The following SLIT3 variants were observed in gnomAD, a reference collection of about 807,000 sequenced individuals.
The protein encoded by SLIT3 is slit guidance ligand 3.
SLIT3 carries 68 observed loss-of-function variants against 184.0 expected under a neutral mutation model. The ratio of observed to expected loss-of-function variants is 0.37; its 90% CI spans 0.30 to 0.45. SLIT3 has a LOEUF of 0.45. Among genes scored for constraint, SLIT3 ranks in the 20% least tolerant of loss-of-function variants. SLIT3 has a pLI of 1.00. For synonymous variants in SLIT3, 831 were observed against 828.6 expected, an observed-to-expected ratio of 1.00 and a Z score of -0.05; for missense variants, 1,707 against 2,026.0, an observed-to-expected ratio of 0.84 and a Z score of 3.02.
intron 12 of SLIT3, among the ~76,000 whole-genome samples, chr5:168,777,179 C>A (rs1462654937): frequency 2.0e-5 from 3 of 151,998 alleles, no homozygotes; most frequent in African/African-American, 7.3e-5. Flanking sequence ...CTCAGGCAAC[C>A]CTAGGTTCCC....
chr5:168,678,274 A>C (rs1761473471), intron 32 of SLIT3, among the ~76,000 whole-genome samples: 1 of 152,164 alleles, frequency 6.6e-6, no homozygotes, highest in South Asian at 2.1e-4. Context: ...GCAGTGCTAA[A>C]GGCTCTGGCT....
chr5:169,297,378 A>C (rs1374939288), intron 1 of SLIT3, among the ~76,000 whole-genome samples: 1 of 152,172 alleles, frequency 6.6e-6, no homozygotes, highest in South Asian at 2.1e-4. Context: ...GCCTGAAGCA[A>C]AGTCCAAATG....
intron 7 of SLIT3, 68 bp from the exon 8 acceptor site, chr5:168,817,531 CAG>C (rs1757374303): frequency 6.6e-7 from 1 of 1,512,626 alleles, no homozygotes; most frequent in Non-Finnish European, 9.1e-7. Context: ...ACTGGCCAGA[CAG>C]AGTGACCAAA....
intron 4 of SLIT3, among the ~76,000 whole-genome samples, chr5:169,011,724 C>CATCAG (rs1756162240): frequency 6.6e-6 from 1 of 152,200 alleles, no homozygotes; most frequent in Non-Finnish European, 1.5e-5. Flanking sequence ...AAACACTCAA[C>CATCAG]CACACTTGAA....
chr5:169,135,059 C>G (rs1236555632), intron 4 of SLIT3, among the ~76,000 whole-genome samples: 1 of 152,194 alleles, frequency 6.6e-6, no homozygotes, highest in African/African-American at 2.4e-5. Context: ...CACCACGCAT[C>G]TGTTTTCCCC....
chr5:168,872,590 C>CTT (rs34444404), intron 5 of SLIT3, among the ~76,000 whole-genome samples: 5 of 140,292 alleles, frequency 3.6e-5, no homozygotes, highest in Non-Finnish European at 6.2e-5. Flanking sequence ...AAATTAAAGT[C>CTT]TTTTTTTTTT....
At chr5:169,104,692 C>T (rs556264236) in intron 4 of SLIT3, among the ~76,000 whole-genome samples, 34 of 152,230 alleles carry the variant, frequency 2.2e-4, no homozygotes, top group Admixed American at 1.4e-3. Flanking sequence ...TGGAGAGGGG[C>T]GCTTCGTGGA....
At chr5:169,204,606 G>A (rs975314265) in intron 3 of SLIT3, among the ~76,000 whole-genome samples, 11 of 152,204 alleles carry the variant, frequency 7.2e-5, no homozygotes, top group Non-Finnish European at 1.2e-4. Flanking sequence ...CCAGTGCAAA[G>A]GGATGGCAGT....
At chr5:169,073,541 C>T (rs532378296) in intron 4 of SLIT3, among the ~76,000 whole-genome samples, 1 of 151,984 alleles carries the variant, frequency 6.6e-6, no homozygotes, top group Non-Finnish European at 1.5e-5. Flanking sequence ...ATGTTTGTCC[C>T]CTCCAAATCT....
At chr5:168,857,748 G>A (rs1017117400) in intron 5 of SLIT3, among the ~76,000 whole-genome samples, 1 of 152,194 alleles carries the variant, frequency 6.6e-6, no homozygotes, top group Non-Finnish European at 1.5e-5. Context: ...CTCTCCAGGG[G>A]GTCGGAGGGC....
chr5:169,114,969 G>A (rs1704911667), intron 4 of SLIT3, among the ~76,000 whole-genome samples: 1 of 152,180 alleles, frequency 6.6e-6, no homozygotes, highest in Admixed American at 6.5e-5. Context: ...GAGGGGGAGG[G>A]CGGAAGGAGG....
chr5:168,774,744 T>C (rs1755684841), intron 12 of SLIT3, among the ~76,000 whole-genome samples: 1 of 152,224 alleles, frequency 6.6e-6, no homozygotes, highest in Non-Finnish European at 1.5e-5. Flanking sequence ...TTGGCATAAT[T>C]GTTTTAGAGC....
intron 14 of SLIT3, 86 bp downstream of exon 14, chr5:168,772,695 G>A (rs1755596834): frequency 1.0e-5 from 15 of 1,463,702 alleles, no homozygotes; most frequent in South Asian, 4.6e-5. Context: ...TACAGTGCTC[G>A]CTGTCCTCCA....
intron 5 of SLIT3, among the ~76,000 whole-genome samples, chr5:168,845,652 A>G (rs1320131792): frequency 3.3e-5 from 5 of 152,142 alleles, no homozygotes; most frequent in African/African-American, 1.2e-4. Flanking sequence ...CAAAATATAT[A>G]TAATGTGTAA....
intron 4 of SLIT3, among the ~76,000 whole-genome samples, chr5:169,047,624 C>T (rs1757671195): frequency 6.6e-6 from 1 of 152,118 alleles, no homozygotes; most frequent in Admixed American, 6.5e-5. Context: ...CCCATGATCA[C>T]TCCTTCAGTC....
chr5:168,793,041 T>C (rs996175916), intron 10 of SLIT3, among the ~76,000 whole-genome samples: 5 of 152,222 alleles, frequency 3.3e-5, no homozygotes, highest in Admixed American at 6.5e-5. Context: ...TCTCAAGATA[T>C]CTCATTATGT....
At chr5:169,187,556 TTTC>T (rs200421008) in intron 4 of SLIT3, among the ~76,000 whole-genome samples, 3,763 of 68,204 alleles carry the variant, frequency 0.055, 72 homozygotes, top group South Asian at 0.18. Context: ...TCTTTCTTTC[TTTC>T]TTTTTTTTTT....
intron 5 of SLIT3, among the ~76,000 whole-genome samples, chr5:168,865,613 A>T (rs1759271312): frequency 6.6e-6 from 1 of 152,220 alleles, no homozygotes; most frequent in African/African-American, 2.4e-5. Context: ...ACAGAAGGAC[A>T]TTTTGGTGGT....
intron 4 of SLIT3, among the ~76,000 whole-genome samples, chr5:169,002,943 T>C (rs1341172819): frequency 6.6e-6 from 1 of 152,220 alleles, no homozygotes; most frequent in African/African-American, 2.4e-5. Context: ...AACAAGTATA[T>C]GCCTAGTAAA....
Sources: allele counts gnomAD v4.1 joint callset (sites outside exome capture counted in the v4.1 genomes callset), GRCh38; gene constraint gnomAD v4.1.1; transcripts MANE v1.5; gene names NCBI Gene and HGNC (gene_info 2026-07-23, HGNC 2026-07-21).